The following SRRM4 variants were observed in gnomAD, a reference collection of about 807,000 sequenced individuals.
The protein encoded by SRRM4 is serine/arginine repetitive matrix protein 4.
Under a neutral mutation model 68.9 loss-of-function variants are expected in SRRM4, and 33 were observed. That is an observed-to-expected ratio of 0.48 (90% CI 0.36 to 0.64). The LOEUF (loss-of-function observed/expected upper bound fraction) is 0.64. SRRM4 is among the 30% of genes least tolerant of loss of function. The pLI is 0.00. For missense variants in SRRM4, 817 were observed against 827.1 expected (o/e 0.99, Z 0.15); for synonymous variants, 318 against 318.8 (o/e 1.00, Z 0.03).
intron 8 of SRRM4, among the ~76,000 whole-genome samples, chr12:119,133,659 G>T (rs1285699558): frequency 6.6e-6 from 1 of 152,160 alleles, no homozygotes; most frequent in African/African-American, 2.4e-5. Context: ...GTTTTCCAAG[G>T]TTCCTAGCCC....
At chr12:119,105,355 A>C (rs1000997143) in intron 2 of SRRM4, among the ~76,000 whole-genome samples, 2 of 152,210 alleles carry the variant, frequency 1.3e-5, no homozygotes, top group African/African-American at 4.8e-5. Flanking sequence ...TGGCTGCGTC[A>C]AATGATATTT....
At chr12:119,110,321 T>G (rs1211397033) in intron 2 of SRRM4, among the ~76,000 whole-genome samples, 1 of 152,204 alleles carries the variant, frequency 6.6e-6, no homozygotes, top group Non-Finnish European at 1.5e-5. Flanking sequence ...TCTCAAACTC[T>G]GTGCTGGGAG....
intron 1 of SRRM4, among the ~76,000 whole-genome samples, chr12:119,083,729 A>G (rs1324314555): frequency 6.6e-6 from 1 of 152,168 alleles, no homozygotes; most frequent in Non-Finnish European, 1.5e-5. Flanking sequence ...GCTTTGGAAA[A>G]TGGACTCAGA....
chr12:119,017,511 C>G (rs1473193107), intron 1 of SRRM4, among the ~76,000 whole-genome samples: 4 of 152,134 alleles, frequency 2.6e-5, no homozygotes, highest in African/African-American at 9.7e-5. Context: ...ATTCCCTGGG[C>G]TGAGGAAGAT....
chr12:119,114,660 C>CTTT lies in SRRM4; in HGVS notation c.365+316_365+318dup, dbSNP rs68020424. Among the ~76,000 whole-genome samples the CTTT allele has an allele frequency of 9.1e-3, 926 of 101,328 alleles. 30 individuals carry two copies. The highest frequency in any genetic ancestry group is 0.027 in the Middle Eastern group (4 of 146). The allele number at this position is 101,328 out of a possible 152,430, so 66.5% of individuals were successfully genotyped here. ...ATGACTAATTAATAGGAAGCATAGT[C>CTTT]TTTTTTTTTTTTTTTTTTTTTTGAG... is the stretch of plus-strand genomic sequence containing the variant. On this transcript the variant is annotated intron_variant, in intron 3 of 12. Coordinates refer to ENST00000267260, the MANE Select transcript of SRRM4 (RefSeq NM_194286.4).
intron 1 of SRRM4, among the ~76,000 whole-genome samples, chr12:119,039,979 G>A (rs1018744774): frequency 6.6e-6 from 1 of 152,102 alleles, no homozygotes; most frequent in African/African-American, 2.4e-5. Flanking sequence ...CTACTTGGAT[G>A]CCAACTTTCA....
chr12:119,148,809 T>C (rs1469940132), intron 9 of SRRM4, among the ~76,000 whole-genome samples: 7 of 152,218 alleles, frequency 4.6e-5, no homozygotes, highest in Non-Finnish European at 1.0e-4. Flanking sequence ...CTTTGAAATA[T>C]AAATGATGGT....
At chr12:119,087,659 G>A (rs770923310) in intron 1 of SRRM4, among the ~76,000 whole-genome samples, 1 of 152,156 alleles carries the variant, frequency 6.6e-6, no homozygotes, top group African/African-American at 2.4e-5. Flanking sequence ...ACAGCAGCCT[G>A]GGAACTGGGC....
At chr12:119,137,624 GAGAGAGAGA>G (rs1954338715) in intron 8 of SRRM4, among the ~76,000 whole-genome samples, 3 of 117,916 alleles carry the variant, frequency 2.5e-5, no homozygotes, top group African/African-American at 5.4e-5. Flanking sequence ...GAGAGAGAGA[GAGAGAGAGA>G]GGAGATACTG....
intron 1 of SRRM4, among the ~76,000 whole-genome samples, chr12:119,085,822 A>G (rs890224813): frequency 6.6e-6 from 1 of 152,110 alleles, no homozygotes; most frequent in Non-Finnish European, 1.5e-5. Flanking sequence ...GGAGGCTGAG[A>G]TGCTTTGGAG....
At chr12:119,066,775 C>T (rs1335450377) in intron 1 of SRRM4, among the ~76,000 whole-genome samples, 1 of 152,192 alleles carries the variant, frequency 6.6e-6, no homozygotes, top group East Asian at 1.9e-4. Flanking sequence ...TACATAGTTC[C>T]TCCCTCTTTT....
At position 119,125,451 on chromosome 12, in the gene SRRM4, G is replaced by C; in HGVS notation, c.586G>C (p.Glu196Gln). 6.2e-7 allele frequency: 1 copy of C among 1,612,310 alleles called. No individual in the cohort carries two copies. Residue 196 changes from glutamate to glutamine, a missense_variant, in exon 7 of 13, where the codon GAG becomes CAG. Coordinates refer to ENST00000267260, the MANE Select transcript of SRRM4 (RefSeq NM_194286.4). ...HRCPSRSQSSESRPSSCESRH... is the reference protein window; with the variant it reads ...HRCPSRSQSSQSRPSSCESRH... ...CTGCCCCTCGCGGTCCCAGAGCTCG[G>C]AGTCCCGCCCCTCAAGCTGTGAGAG...
intron 1 of SRRM4, among the ~76,000 whole-genome samples, chr12:119,047,383 C>T (rs1296197456): frequency 6.6e-6 from 1 of 151,894 alleles, no homozygotes; most frequent in Non-Finnish European, 1.5e-5. Flanking sequence ...TGCTTGGTTC[C>T]ATAAATAAGT....
intron 1 of SRRM4, among the ~76,000 whole-genome samples, chr12:118,997,627 C>G (rs752252009): frequency 9.2e-5 from 14 of 152,200 alleles, no homozygotes; most frequent in Non-Finnish European, 1.5e-4. Context: ...CATATTCTTT[C>G]TGTTTTCAGC....
chr12:119,028,028 C>G (rs896619466), intron 1 of SRRM4, among the ~76,000 whole-genome samples: 13 of 152,240 alleles, frequency 8.5e-5, no homozygotes, highest in Admixed American at 2.6e-4. Flanking sequence ...CTTAGTGGGT[C>G]TCAAACTTCA....
rs766893125 is a variant in SRRM4 at position 119,156,760 on chromosome 12, T to G, written c.1798T>G (p.Tyr600Asp). 1.3e-6 allele frequency: 2 copies of G among 1,544,772 alleles called. No homozygotes were observed. Among genetic ancestry groups the G allele is most frequent in the South Asian group, 1.2e-5 (1 of 83,846 alleles). The stretch of plus-strand genomic sequence containing the variant: ...CCGGAGCAGGAGCCAGAGCCGGAGC[T>G]ACAGCTCAGCAGACAGCTACTCCAG... ...RSRSRSQSRS[Y>D]SSADSYSSTR... Residue 600 changes from tyrosine (Y) to aspartate (D), a missense_variant, in exon 13 of 13, where the codon TAC becomes GAC. Coordinates refer to ENST00000267260, the MANE Select transcript of SRRM4 (RefSeq NM_194286.4).
At chr12:119,047,411 C>T (rs1372350224) in intron 1 of SRRM4, among the ~76,000 whole-genome samples, 6 of 151,828 alleles carry the variant, frequency 4.0e-5, no homozygotes, top group African/African-American at 9.7e-5. Flanking sequence ...TAGTGATTTC[C>T]GAGATTTTGG....
chr12:119,130,669 C>G lies in SRRM4; in HGVS notation c.615-9C>G. The G allele has an allele frequency of 6.2e-7, 1 of 1,607,698 alleles. No individual in the cohort carries two copies. The highest frequency in any genetic ancestry group is 1.1e-5 in the South Asian group (1 of 90,208). ...AAAAGACCCTCAGGTCTCTCTCCCC[C>G]ATCCCCAGGCACCGCGGCCGGTCCC... is the stretch of plus-strand genomic sequence containing the variant. On this transcript the variant is annotated splice_polypyrimidine_tract_variant and intron_variant, in intron 7 of 12. Transcript: ENST00000267260.
chr12:119,110,210 G>T (rs1954133805), intron 2 of SRRM4, among the ~76,000 whole-genome samples: 1 of 152,164 alleles, frequency 6.6e-6, no homozygotes, highest in Admixed American at 6.5e-5. Flanking sequence ...GGGGCACCTG[G>T]CCATATGAGG....
Sources: allele counts gnomAD v4.1 joint callset (sites outside exome capture counted in the v4.1 genomes callset), GRCh38; gene constraint gnomAD v4.1.1; transcripts MANE v1.5; gene names NCBI Gene and HGNC (gene_info 2026-07-23, HGNC 2026-07-21).